Variants in QTRT2 observed in about 807,000 individuals in gnomAD.
QTRT2 encodes queuine tRNA-ribosyltransferase domain containing 1.
A neutral mutation model predicts 44.8 loss-of-function variants in QTRT2; 32 were observed. That is an observed-to-expected ratio of 0.71 (90% CI 0.54 to 0.96). The LOEUF (loss-of-function observed/expected upper bound fraction) is 0.96. QTRT2 is among the 40% of genes least tolerant of loss of function. The pLI, the probability that QTRT2 is intolerant of heterozygous loss-of-function variation, is 0.00. For missense variants in QTRT2, 461 were observed against 503.1 expected, an observed-to-expected ratio of 0.92 and a Z score of 0.80; for synonymous variants, 182 against 187.4, an observed-to-expected ratio of 0.97 and a Z score of 0.24.
chr3:114,071,163 G>T (rs953161875), intron 6 of QTRT2, among the ~76,000 whole-genome samples: 4 of 152,084 alleles, frequency 2.6e-5, no homozygotes, highest in Non-Finnish European at 5.9e-5. Flanking sequence ...CTATAGGTAG[G>T]TTATGTCACT....
chr3:114,077,769 A>G (rs2077111255), intron 7 of QTRT2: 1 of 144,730 alleles, frequency 6.9e-6, no homozygotes, highest in Non-Finnish European at 1.5e-5. Context: ...GCTGGAGTTC[A>G]ATGGCATGAT....
rs142120976 is a variant in QTRT2, at chr3:114,082,120, C to T, written c.899-557C>T. ...AGAATACATACATTAAAACCATGTT[C>T]TACTTCAATCTATTTGGAATATAGG... is the stretch of plus-strand genomic sequence containing the variant. On this transcript the variant is annotated intron_variant, in intron 8 of 9. Transcript: ENST00000281273. 3.8e-3 allele frequency among the ~76,000 whole-genome samples: 582 copies of T among 151,754 alleles called. 3 individuals are homozygous for T. Among genetic ancestry groups the T allele is most frequent in the Middle Eastern group, 0.01 (3 of 294 alleles).
chr3:114,077,158 A>C, intron 7 of QTRT2: 1 of 561,170 alleles, frequency 1.8e-6, no homozygotes, highest in Non-Finnish European at 3.2e-6. Flanking sequence ...GTAGAGGATA[A>C]TTGCCATTTG....
chr3:114,061,013 G>T (rs781746414), intron 2 of QTRT2, among the ~76,000 whole-genome samples: 1 of 152,134 alleles, frequency 6.6e-6, no homozygotes, highest in Non-Finnish European at 1.5e-5. Flanking sequence ...ACTCAGAATG[G>T]CATGCAATTT....
chr3:114,082,590 C>G, intron 8 of QTRT2, 87 bp from the exon 9 acceptor site: 1 of 557,802 alleles, frequency 1.8e-6, no homozygotes, highest in Non-Finnish European at 3.2e-6. Flanking sequence ...AGTCAAAGAT[C>G]ATGAAATAAT....
intron 1 of QTRT2, 66 bp downstream of exon 1, chr3:114,056,930 A>G: frequency 2.0e-6 from 3 of 1,519,502 alleles, no homozygotes; most frequent in Non-Finnish European, 2.6e-6. Flanking sequence ...TCGCGTCCAG[A>G]CGCTTCCTGG....
At chr3:114,056,969 C>T in intron 1 of QTRT2, 30 bp from the exon 2 acceptor site, 1 of 1,472,090 alleles carries the variant, frequency 6.8e-7, no homozygotes, top group East Asian at 2.5e-5. Context: ...GATTGTACTC[C>T]CGCCATGTCT....
At chr3:114,083,976 G>A (rs550862664) in intron 9 of QTRT2, among the ~76,000 whole-genome samples, 120 of 151,870 alleles carry the variant, frequency 7.9e-4, no homozygotes, top group African/African-American at 2.7e-3. Context: ...ATCAGCACTA[G>A]ACTTAAGTTT....
intron 2 of QTRT2, among the ~76,000 whole-genome samples, chr3:114,060,469 T>C (rs1411391222): frequency 1.4e-5 from 2 of 140,342 alleles, no homozygotes; most frequent in South Asian, 2.3e-4. Context: ...AAACCCCAGA[T>C]AGATAGGTAG....
At chr3:114,083,030 A>G (rs1577551103) in intron 9 of QTRT2, 4 of 484,158 alleles carry the variant, frequency 8.3e-6, no homozygotes, top group Non-Finnish European at 1.5e-5. Flanking sequence ...AAAAGCTGAC[A>G]GAAAGATTAA....
intron 5 of QTRT2, 109 bp downstream of exon 5, chr3:114,068,172 T>C (rs766536108): frequency 5.9e-6 from 5 of 850,438 alleles, no homozygotes; most frequent in African/African-American, 1.7e-5. Flanking sequence ...CCCTTATACC[T>C]TTTCCTTATT....
chr3:114,067,173 A>G (rs995600582), intron 4 of QTRT2, among the ~76,000 whole-genome samples: 2 of 152,200 alleles, frequency 1.3e-5, no homozygotes, highest in African/African-American at 4.8e-5. Context: ...TTTATGGAAT[A>G]TCATTCTCCT....
rs1442353707 is a variant in QTRT2 at position 114,057,042 on chromosome 3, A to G, written c.-86A>G. Reference sequence around the variant, plus strand: ...TTTCTGTAAGTTCAGATTCTCATAAATCGTGTGAGCGTCGCCGACACCTCT... The same window carrying G: ...TTTCTGTAAGTTCAGATTCTCATAAGTCGTGTGAGCGTCGCCGACACCTCT... On this transcript the variant is annotated 5_prime_UTR_variant, in exon 2 of 10. Coordinates refer to ENST00000281273, the MANE Select transcript of QTRT2 (RefSeq NM_024638.4). 2 of 1,387,776 alleles carry G rather than the reference A, an allele frequency of 1.4e-6. No individual in the cohort carries two copies. The highest frequency in any genetic ancestry group is 1.9e-6 in the Non-Finnish European group (2 of 1,074,378). The allele number at this position is 1,387,776 out of a possible 1,614,324, so 86.0% of individuals were successfully genotyped here. A position where few individuals can be genotyped will look rare whatever the true frequency, so the allele number is the denominator to read the frequency against.
At chr3:114,075,137 A>G (rs2077072328) in intron 6 of QTRT2, among the ~76,000 whole-genome samples, 1 of 152,158 alleles carries the variant, frequency 6.6e-6, no homozygotes, top group African/African-American at 2.4e-5. Flanking sequence ...CGTTGAAATG[A>G]TTTTTACTCT....
chr3:114,065,558 T>C (rs2076942392), intron 3 of QTRT2, 101 bp downstream of exon 3: 1 of 870,994 alleles, frequency 1.1e-6, no homozygotes, highest in East Asian at 2.7e-5. Context: ...TATATATAAA[T>C]TGTCGATTTT....
chr3:114,064,244 G>T (rs1294286121), intron 2 of QTRT2, among the ~76,000 whole-genome samples: 1 of 152,016 alleles, frequency 6.6e-6, no homozygotes, highest in East Asian at 1.9e-4. Context: ...GAAAAGAAAA[G>T]AAAATTGGAT....
intron 2 of QTRT2, 64 bp downstream of exon 2, chr3:114,057,170 C>G (rs779684379): frequency 2.2e-5 from 19 of 854,528 alleles, no homozygotes; most frequent in Non-Finnish European, 2.8e-5. Flanking sequence ...TCTTCAATCT[C>G]TGAGCCAGGT....
At chr3:114,071,618 A>G (rs1221091509) in intron 6 of QTRT2, among the ~76,000 whole-genome samples, 2 of 152,022 alleles carry the variant, frequency 1.3e-5, no homozygotes, top group East Asian at 3.8e-4. Flanking sequence ...GAGCTTTTCA[A>G]GACTCCTTTT....
chr3:114,065,544 T>C (rs892987726), intron 3 of QTRT2, 87 bp downstream of exon 3: 1 of 973,268 alleles, frequency 1.0e-6, no homozygotes, highest in African/African-American at 1.7e-5. Flanking sequence ...TTTTTTTTTG[T>C]TCATATATAT....
Sources: allele counts gnomAD v4.1 joint callset (sites outside exome capture counted in the v4.1 genomes callset), GRCh38; gene constraint gnomAD v4.1.1; transcripts MANE v1.5; gene names NCBI Gene and HGNC (gene_info 2026-07-23, HGNC 2026-07-21).